The following GRID1 variants were observed in gnomAD, a reference collection of about 807,000 sequenced individuals.
GRID1 encodes the protein glutamate receptor ionotropic, delta-1.
GRID1 carries 28 observed loss-of-function variants against 98.0 expected under a neutral mutation model. The ratio of observed to expected loss-of-function variants is 0.29; its 90% CI spans 0.21 to 0.39. The LOEUF (loss-of-function observed/expected upper bound fraction) is 0.39, where lower values mean the gene tolerates loss of function less well. Among genes scored for constraint, GRID1 ranks in the 10% least tolerant of loss-of-function variants. The probability of loss-of-function intolerance (pLI) is 1.00; values close to 1 mark genes in which losing one functional copy is unlikely to be tolerated. For missense variants in GRID1, 1,111 were observed against 1,340.5 expected (o/e 0.83, Z 2.67); for synonymous variants, 553 against 538.5 (o/e 1.03, Z -0.37).
At chr10:86,136,751 A>G (rs1844930796) in intron 4 of GRID1, among the ~76,000 whole-genome samples, 1 of 152,134 alleles carries the variant, frequency 6.6e-6, no homozygotes, top group Non-Finnish European at 1.5e-5. Context: ...CGTTCCCCTC[A>G]ATCTCCTGCC....
chr10:85,660,088 G>T (rs1590178779), intron 12 of GRID1, among the ~76,000 whole-genome samples: 1 of 152,170 alleles, frequency 6.6e-6, no homozygotes, highest in Admixed American at 6.5e-5. Context: ...AATGCCAGGT[G>T]CCAGCCACAC....
At chr10:86,044,780 C>T (rs1843398261) in intron 4 of GRID1, among the ~76,000 whole-genome samples, 1 of 152,146 alleles carries the variant, frequency 6.6e-6, no homozygotes, top group African/African-American at 2.4e-5. Flanking sequence ...GAAGCAATAC[C>T]CTTTGTTCTT....
chr10:85,875,507 A>T (rs1469755269), intron 5 of GRID1, among the ~76,000 whole-genome samples: 2 of 151,890 alleles, frequency 1.3e-5, no homozygotes, highest in African/African-American at 4.8e-5. Flanking sequence ...ATATATTTGG[A>T]TTGATTTCTA....
At chr10:86,149,263 A>G (rs766665023) in intron 3 of GRID1, among the ~76,000 whole-genome samples, 1 of 152,216 alleles carries the variant, frequency 6.6e-6, no homozygotes, top group Non-Finnish European at 1.5e-5. Flanking sequence ...GAGGGGAAAC[A>G]AGTTTCTGCC....
chr10:85,723,809 G>A (rs1308219045), intron 11 of GRID1, among the ~76,000 whole-genome samples: 1 of 152,138 alleles, frequency 6.6e-6, no homozygotes, highest in Non-Finnish European at 1.5e-5. Flanking sequence ...CAAAGCATTT[G>A]CCATGGTGCA....
At chr10:85,709,218 G>T in intron 12 of GRID1, 1 of 215,344 alleles carries the variant, frequency 4.6e-6, no homozygotes, top group South Asian at 8.4e-5. Context: ...GACCCCACCT[G>T]AGGTTCTGCA....
intron 2 of GRID1, among the ~76,000 whole-genome samples, chr10:86,300,330 G>A (rs1021709763): frequency 2.6e-5 from 4 of 151,560 alleles, no homozygotes; most frequent in South Asian, 2.1e-4. Context: ...CAGTGGGCTC[G>A]ATGGCGCAAG....
intron 2 of GRID1, among the ~76,000 whole-genome samples, chr10:86,323,336 C>T (rs1847996453): frequency 6.6e-6 from 1 of 152,234 alleles, no homozygotes; most frequent in Non-Finnish European, 1.5e-5. Context: ...AATTAAATGA[C>T]TTACTATGTA....
intron 4 of GRID1, among the ~76,000 whole-genome samples, chr10:85,993,178 G>C (rs1332426168): frequency 6.6e-6 from 1 of 152,198 alleles, no homozygotes; most frequent in East Asian, 1.9e-4. Flanking sequence ...GAGGAGGCCA[G>C]GGTATTTGCT....
chr10:85,690,914 A>G (rs1481460229), intron 12 of GRID1, among the ~76,000 whole-genome samples: 1 of 152,130 alleles, frequency 6.6e-6, no homozygotes, highest in African/African-American at 2.4e-5. Context: ...GTCTTGGAAT[A>G]GTTTTCTAAT....
intron 2 of GRID1, among the ~76,000 whole-genome samples, chr10:86,358,934 C>T (rs1848567742): frequency 6.6e-6 from 1 of 151,904 alleles, no homozygotes; most frequent in Non-Finnish European, 1.5e-5. Context: ...CATTGCTGGC[C>T]TTGAAAATGG....
At chr10:86,322,932 A>T (rs1206845694) in intron 2 of GRID1, among the ~76,000 whole-genome samples, 1 of 149,324 alleles carries the variant, frequency 6.7e-6, no homozygotes, top group African/African-American at 2.5e-5. Context: ...TCTCTACTAA[A>T]AATACAAAAA....
intron 4 of GRID1, among the ~76,000 whole-genome samples, chr10:86,129,909 C>T (rs934278979): frequency 6.6e-5 from 10 of 152,212 alleles, no homozygotes; most frequent in South Asian, 2.1e-4. Flanking sequence ...CAAGAGATTG[C>T]AGTAGAAGTC....
At chr10:86,363,659 G>C (rs1278031650) in intron 2 of GRID1, among the ~76,000 whole-genome samples, 2 of 151,616 alleles carry the variant, frequency 1.3e-5, no homozygotes, top group Non-Finnish European at 2.9e-5. Context: ...GCCAGCGCTG[G>C]GCGCACACCC....
intron 15 of GRID1, among the ~76,000 whole-genome samples, chr10:85,607,495 T>C (rs1396330641): frequency 6.6e-6 from 1 of 152,200 alleles, no homozygotes; most frequent in East Asian, 1.9e-4. Context: ...GCTAGGGGTC[T>C]GAGAGTATTG....
intron 4 of GRID1, among the ~76,000 whole-genome samples, chr10:86,128,933 C>A (rs115657819): frequency 2.0e-5 from 3 of 152,282 alleles, no homozygotes; most frequent in East Asian, 1.9e-4. Flanking sequence ...CTTAGAAGAA[C>A]GTTGTGAATC....
intron 12 of GRID1, among the ~76,000 whole-genome samples, chr10:85,717,415 T>C (rs1841652497): frequency 6.6e-6 from 1 of 151,950 alleles, no homozygotes; most frequent in Admixed American, 6.6e-5. Context: ...TTACATGGCG[T>C]AGGCAAGAGA....
intron 12 of GRID1, among the ~76,000 whole-genome samples, chr10:85,708,123 A>C (rs1011319706): frequency 3.5e-4 from 45 of 127,978 alleles, no homozygotes; most frequent in Admixed American, 2.2e-3. Flanking sequence ...TAAAAAAAAA[A>C]AAAAAAAACA....
intron 4 of GRID1, among the ~76,000 whole-genome samples, chr10:85,971,822 C>T (rs912421106): frequency 6.6e-6 from 1 of 152,096 alleles, no homozygotes; most frequent in Non-Finnish European, 1.5e-5. Flanking sequence ...CTTTATAATC[C>T]TGCAATCCCA....
Sources: gnomAD v4.1 joint callset for allele counts (sites outside exome capture counted in the v4.1 genomes callset) on GRCh38, gnomAD v4.1.1 for gene constraint, MANE v1.5 for transcripts, NCBI Gene and HGNC (gene_info 2026-07-23, HGNC 2026-07-21) for gene names.